OTUB1: variants seen among roughly 807,000 people sequenced by gnomAD.
The protein encoded by OTUB1 is OTU deubiquitinase, ubiquitin aldehyde binding 1.
In OTUB1, 10 loss-of-function variants were observed where a neutral mutation model predicts 35.8. The ratio of observed to expected loss-of-function variants is 0.28; its 90% CI spans 0.17 to 0.47. The LOEUF is 0.47. Ranked by LOEUF, OTUB1 falls within the 20% of genes least tolerant of loss-of-function variation. The pLI is 0.99. For synonymous variants in OTUB1, 158 were observed against 143.8 expected (o/e 1.10, Z -0.71); for missense variants, 264 against 351.6 (o/e 0.75, Z 1.99).
At chr11:63,992,034 A>G (rs991574310) in intron 3 of OTUB1, among the ~76,000 whole-genome samples, 1 of 152,132 alleles carries the variant, frequency 6.6e-6, no homozygotes, top group Non-Finnish European at 1.5e-5. Context: ...CATGACTAAC[A>G]TGGTGAAACC....
intron 3 of OTUB1, 42 bp from the exon 4 acceptor site, chr11:63,996,488 C>G: frequency 1.9e-6 from 3 of 1,606,178 alleles, no homozygotes; most frequent in Non-Finnish European, 1.7e-6. Flanking sequence ...AGCCCCCGTT[C>G]TGGCCTGATG....
intron 3 of OTUB1, among the ~76,000 whole-genome samples, chr11:63,995,452 T>C (rs1171956913): frequency 6.6e-6 from 1 of 152,050 alleles, no homozygotes; most frequent in Non-Finnish European, 1.5e-5. Context: ...CACCTCAGCC[T>C]CCCAAAGTGC....
At chr11:63,993,093 C>T (rs923711122) in intron 3 of OTUB1, among the ~76,000 whole-genome samples, 2 of 152,158 alleles carry the variant, frequency 1.3e-5, no homozygotes, top group South Asian at 2.1e-4. Flanking sequence ...AGGCGGGCAG[C>T]GGGTGGTAGA....
Position 63,998,132 on chromosome 11 carries a change from C to T in OTUB1, c.*586C>T, listed in dbSNP as rs1179906595. On this transcript the variant is annotated 3_prime_UTR_variant, in exon 7 of 7. Coordinates refer to ENST00000538426, the MANE Select transcript of OTUB1 (RefSeq NM_017670.3). The stretch of plus-strand genomic sequence containing the variant: ...GGAGCTGGGCCTCCCACAGGGTGCC[C>T]GGGCAGTGCCATCCTGGTGGGGGAG... The T allele has an allele frequency of 2.0e-5, 6 of 304,242 alleles. No individual in the cohort carries two copies. The highest frequency in any genetic ancestry group is 7.4e-5 in the South Asian group (2 of 27,174). 18.8% of individuals were successfully genotyped at this position (304,242 alleles called of 1,614,324 possible).
chr11:63,998,089 C>T lies in OTUB1; in HGVS notation c.*543C>T, dbSNP rs1247098123. 4 of 373,344 alleles carry T rather than the reference C, an allele frequency of 1.1e-5. No homozygotes were observed. Among genetic ancestry groups the T allele is most frequent in the African/African-American group, 2.1e-5 (1 of 48,430 alleles). The allele number at this position is 373,344 out of a possible 1,614,324, so 23.1% of individuals were successfully genotyped here. A position where few individuals can be genotyped will look rare whatever the true frequency, so the allele number is the denominator to read the frequency against. On this transcript the variant is annotated 3_prime_UTR_variant, in exon 7 of 7. Transcript: ENST00000538426. ...GGAGGGGCCTTTGTGAGGCTGGACCCGGCTCAGGGCAGGTGGAGGAGCTGG... is the reference window on the plus strand; with the variant it reads ...GGAGGGGCCTTTGTGAGGCTGGACCTGGCTCAGGGCAGGTGGAGGAGCTGG...
intron 3 of OTUB1, among the ~76,000 whole-genome samples, chr11:63,995,209 T>G (rs1942705968): frequency 6.6e-6 from 1 of 152,118 alleles, no homozygotes; most frequent in Non-Finnish European, 1.5e-5. Context: ...CACTTGCTTA[T>G]TTTTCAAGAT....
At position 63,996,667 on chromosome 11, in the gene OTUB1, G is replaced by A; in HGVS notation, c.338+19G>A. 1 of 1,614,196 alleles carries A rather than the reference G, an allele frequency of 6.2e-7. No homozygotes were observed. Among genetic ancestry groups the A allele is most frequent in the Non-Finnish European group, 8.5e-7 (1 of 1,180,026 alleles). ...TGCAGCGGTGAGAAGGGTGGGCACT[G>A]GGCACCGAGGCAGGTGGGTGTCTAC... On this transcript the variant is annotated intron_variant, in intron 4 of 6. Transcript: ENST00000538426.
chr11:63,993,782 C>G (rs932089601), intron 3 of OTUB1, among the ~76,000 whole-genome samples: 1 of 152,046 alleles, frequency 6.6e-6, no homozygotes, highest in Admixed American at 6.6e-5. Flanking sequence ...TGATCCTCCC[C>G]CCTTGGCCTC....
At chr11:63,989,643 C>T (rs913429538) in intron 3 of OTUB1, 9 of 149,012 alleles carry the variant, frequency 6.0e-5, no homozygotes, top group African/African-American at 1.7e-4. Context: ...AGGAGAATTG[C>T]TTGCATCTGG....
intron 3 of OTUB1, among the ~76,000 whole-genome samples, chr11:63,994,589 G>T (rs931494289): frequency 6.6e-6 from 1 of 152,176 alleles, no homozygotes; most frequent in African/African-American, 2.4e-5. Context: ...ACCATGTCTC[G>T]AAGGGTGCTG....
intron 2 of OTUB1, 102 bp from the exon 3 acceptor site, chr11:63,988,552 G>A: frequency 8.0e-7 from 1 of 1,246,414 alleles, no homozygotes; most frequent in East Asian, 2.3e-5. Flanking sequence ...GGGTCGCTGT[G>A]CCACCGGGTG....
At chr11:63,994,486 C>T (rs924418758) in intron 3 of OTUB1, among the ~76,000 whole-genome samples, 25 of 152,172 alleles carry the variant, frequency 1.6e-4, no homozygotes, top group African/African-American at 5.1e-4. Flanking sequence ...CTCTTGACCT[C>T]GATATCTGCC....
chr11:63,991,370 G>A (rs112581030), intron 3 of OTUB1, among the ~76,000 whole-genome samples: 1 of 152,180 alleles, frequency 6.6e-6, no homozygotes, highest in Non-Finnish European at 1.5e-5. Flanking sequence ...GCCAAGGCCT[G>A]CCGCTCATGC....
Position 63,997,251 on chromosome 11 carries a change from T to TC in OTUB1, c.618+12dup. ...CAAGGAGTTCTGCCAGCAGGTGCCG[T>TC]CCCCCTCCCCTTTACTCTCGGCCGG... is the stretch of plus-strand genomic sequence containing the variant. On this transcript the variant is annotated splice_region_variant and intron_variant, in intron 6 of 6. Coordinates refer to ENST00000538426, the MANE Select transcript of OTUB1 (RefSeq NM_017670.3). The TC allele has an allele frequency of 6.2e-7, 1 of 1,611,960 alleles. No homozygotes were observed. Among genetic ancestry groups the TC allele is most frequent in the Non-Finnish European group, 8.5e-7 (1 of 1,178,386 alleles).
At position 63,989,047 on chromosome 11, in the gene OTUB1, C is replaced by T. The variant is rs976749386; in HGVS notation, c.219+295C>T. ...AAAAAAAAAAGGTGGGGGGCAGGCA[C>T]GGTGGCTCACGCCTGTAATCCCAGC... On this transcript the variant is annotated intron_variant, in intron 3 of 6. Transcript: ENST00000538426. 3.4e-5 allele frequency: 10 copies of T among 290,426 alleles called. No homozygotes were observed. In the Admixed American group the frequency reaches 3.5e-4, roughly 10 times the overall value. The allele number at this position is 290,426 out of a possible 1,614,324, so 18.0% of individuals were successfully genotyped here.
chr11:63,997,732 C>A lies in OTUB1; in HGVS notation c.*186C>A. On this transcript the variant is annotated 3_prime_UTR_variant, in exon 7 of 7. Coordinates refer to ENST00000538426, the MANE Select transcript of OTUB1 (RefSeq NM_017670.3). ...TGTGTGCGTGTCCCTGCTCTGCTGC[C>A]CGCCTGGCTGCTCTGTCTGCTGCCC... 1.4e-6 allele frequency: 1 copy of A among 706,968 alleles called. No homozygotes were observed. 43.8% of individuals were successfully genotyped at this position (706,968 alleles called of 1,614,324 possible).
chr11:63,988,477 T>C, intron 2 of OTUB1, 79 bp downstream of exon 2: 2 of 1,426,616 alleles, frequency 1.4e-6, no homozygotes, highest in Non-Finnish European at 1.9e-6. Flanking sequence ...ATGAGGCCTA[T>C]TGTCTGTCTC....
At position 63,998,318 on chromosome 11, in the gene OTUB1, C is replaced by G. The variant is rs569080024; in HGVS notation, c.*772C>G. ...ATTGCCTGCCTTTTTGCCTTCACCT[C>G]TTTTCTTCCCCGCCCCCTGCACATT... On this transcript the variant is annotated 3_prime_UTR_variant, in exon 7 of 7. Coordinates refer to ENST00000538426, the MANE Select transcript of OTUB1 (RefSeq NM_017670.3). 2 of 172,612 alleles carry G rather than the reference C, an allele frequency of 1.2e-5. No individual in the cohort carries two copies. The highest frequency in any genetic ancestry group is 5.6e-5 in the Admixed American group (1 of 17,946). 10.7% of individuals were successfully genotyped at this position (172,612 alleles called of 1,614,324 possible).
At chr11:63,989,017 A>T in intron 3 of OTUB1, 9 of 149,672 alleles carry the variant, frequency 6.0e-5, no homozygotes, top group East Asian at 1.6e-4. Flanking sequence ...TTCATCTCAG[A>T]AAAAAAAAAA....
Sources: gnomAD v4.1 joint callset for allele counts (sites outside exome capture counted in the v4.1 genomes callset) on GRCh38, gnomAD v4.1.1 for gene constraint, MANE v1.5 for transcripts, NCBI Gene and HGNC (gene_info 2026-07-23, HGNC 2026-07-21) for gene names.